Variants in AGBL4 observed in about 807,000 individuals in gnomAD.
AGBL4 encodes the protein cytosolic carboxypeptidase 6.
In AGBL4, 58 loss-of-function variants were observed where a neutral mutation model predicts 66.4. The observed-to-expected ratio is 0.87, with a 90% CI of 0.71 to 1.09. The LOEUF (loss-of-function observed/expected upper bound fraction) is 1.09. Ranked by LOEUF, AGBL4 falls within the 50% of genes least tolerant of loss-of-function variation. AGBL4 has a pLI of 0.00. For missense variants in AGBL4, 579 were observed against 631.0 expected (o/e 0.92, Z 0.88); for synonymous variants, 234 against 222.9 (o/e 1.05, Z -0.44).
chr1:49,499,359 C>G (rs1647908623), intron 3 of AGBL4, among the ~76,000 whole-genome samples: 1 of 151,570 alleles, frequency 6.6e-6, no homozygotes, highest in Non-Finnish European at 1.5e-5. Flanking sequence ...AAATAAAATC[C>G]TTTTATTATT....
intron 4 of AGBL4, among the ~76,000 whole-genome samples, chr1:49,155,616 A>C (rs1037274568): frequency 6.6e-6 from 1 of 152,146 alleles, no homozygotes; most frequent in Admixed American, 6.6e-5. Flanking sequence ...AGATAGCAAA[A>C]TCTAAAAAAT....
At chr1:49,293,290 C>G (rs1008969807) in intron 3 of AGBL4, among the ~76,000 whole-genome samples, 8 of 152,218 alleles carry the variant, frequency 5.3e-5, no homozygotes, top group African/African-American at 1.9e-4. Flanking sequence ...CCACGCCTGG[C>G]TTGCCCTTGG....
chr1:48,990,146 C>T (rs562168344), intron 5 of AGBL4, among the ~76,000 whole-genome samples: 27 of 152,038 alleles, frequency 1.8e-4, no homozygotes, highest in Non-Finnish European at 2.9e-4. Flanking sequence ...TGTTGAGAAC[C>T]TTTTCATATG....
At chr1:49,751,591 TC>T (rs1651471699) in intron 2 of AGBL4, among the ~76,000 whole-genome samples, 1 of 152,170 alleles carries the variant, frequency 6.6e-6, no homozygotes, top group East Asian at 1.9e-4. Flanking sequence ...GATGCTGGCC[TC>T]AAAAAATGAA....
chr1:49,144,544 C>CACAA (rs955268896), intron 4 of AGBL4, among the ~76,000 whole-genome samples: 1 of 151,704 alleles, frequency 6.6e-6, no homozygotes, highest in Non-Finnish European at 1.5e-5. Context: ...CACACACACA[C>CACAA]ACACACACAC....
intron 3 of AGBL4, among the ~76,000 whole-genome samples, chr1:49,555,391 A>G (rs1011588740): frequency 2.0e-5 from 3 of 149,382 alleles, no homozygotes; most frequent in Non-Finnish European, 3.0e-5. Context: ...GCTAGACACA[A>G]AAGTTCTCCA....
chr1:49,686,310 A>G (rs1284876235), intron 3 of AGBL4, among the ~76,000 whole-genome samples: 7 of 152,116 alleles, frequency 4.6e-5, no homozygotes, highest in Non-Finnish European at 7.4e-5. Context: ...TTGCCAGTGG[A>G]TGGGGAACAC....
intron 5 of AGBL4, among the ~76,000 whole-genome samples, chr1:48,885,024 G>A (rs1650182757): frequency 6.6e-6 from 1 of 151,878 alleles, no homozygotes; most frequent in Non-Finnish European, 1.5e-5. Flanking sequence ...GAAAAGAAAG[G>A]GAGAATAAGA....
intron 6 of AGBL4, among the ~76,000 whole-genome samples, chr1:48,721,349 T>C (rs539634675): frequency 6.6e-6 from 1 of 152,266 alleles, no homozygotes; most frequent in South Asian, 2.1e-4. Context: ...GTGCTGGCCA[T>C]AGCTGCAGGT....
At chr1:49,280,473 C>A (rs114267477) in intron 3 of AGBL4, among the ~76,000 whole-genome samples, 1 of 152,164 alleles carries the variant, frequency 6.6e-6, no homozygotes, top group Non-Finnish European at 1.5e-5. Flanking sequence ...CAGTCAAATA[C>A]ACATTCTAGA....
At chr1:49,515,610 T>G (rs1649724972) in intron 3 of AGBL4, among the ~76,000 whole-genome samples, 1 of 151,776 alleles carries the variant, frequency 6.6e-6, no homozygotes, top group Non-Finnish European at 1.5e-5. Flanking sequence ...GTGGCACTAT[T>G]CACAATAGCA....
Position 48,658,843 on chromosome 1 carries a change from ATGTGTG to A in AGBL4, c.724+4303_724+4308del, listed in dbSNP as rs5774012. Reference sequence around the variant, plus strand: ...GTGTTTGTGAGAGCATGGTGTGTGCATGTGTGTGTGTGTGTGTGTGTGTGTGTGTAT... The same window carrying A: ...GTGTTTGTGAGAGCATGGTGTGTGCATGTGTGTGTGTGTGTGTGTGTGTAT... On this transcript the variant is annotated intron_variant, in intron 7 of 13. Transcript: ENST00000371839. Among the ~76,000 whole-genome samples the A allele has an allele frequency of 6.6e-4, 99 of 149,214 alleles. No homozygotes were observed. The Middle Eastern group carries it at 0.017, about 26-fold the overall frequency.
At position 49,201,353 on chromosome 1, in the gene AGBL4, A is replaced by C. The variant is rs1226903662; in HGVS notation, c.377+44417T>G. On this transcript the variant is annotated intron_variant, in intron 4 of 13. Coordinates refer to ENST00000371839, the MANE Select transcript of AGBL4 (RefSeq NM_032785.4). ...CACCTTACGTATTAGTCTAATTTAA[A>C]AATAAGGAATTGACATATCAGAAAC... is the stretch of plus-strand genomic sequence containing the variant. 2.0e-5 allele frequency among the ~76,000 whole-genome samples: 3 copies of C among 152,166 alleles called. No homozygotes were observed. The East Asian group carries it at 5.8e-4, about 29-fold the overall frequency.
chr1:49,619,318 A>G (rs1388516312), intron 3 of AGBL4, among the ~76,000 whole-genome samples: 3 of 152,182 alleles, frequency 2.0e-5, no homozygotes, highest in African/African-American at 7.2e-5. Context: ...ATTCCTATAC[A>G]CCAATAATAG....
chr1:48,969,878 A>C (rs1024083626), intron 5 of AGBL4, among the ~76,000 whole-genome samples: 9 of 152,178 alleles, frequency 5.9e-5, no homozygotes, highest in African/African-American at 1.9e-4. Flanking sequence ...AGCACCTGAT[A>C]ATTGACAAAA....
At chr1:48,988,492 C>T (rs528492964) in intron 5 of AGBL4, among the ~76,000 whole-genome samples, 8 of 152,174 alleles carry the variant, frequency 5.3e-5, no homozygotes, top group Admixed American at 3.3e-4. Context: ...ATTTCAGAGG[C>T]CACAGGATAA....
chr1:49,959,902 G>A (rs537636565), intron 1 of AGBL4, among the ~76,000 whole-genome samples: 17 of 151,964 alleles, frequency 1.1e-4, no homozygotes, highest in African/African-American at 2.4e-4. Context: ...GAGCTTAAGC[G>A]AACTAACACA....
intron 5 of AGBL4, among the ~76,000 whole-genome samples, chr1:48,922,848 A>C (rs1422404402): frequency 1.3e-5 from 2 of 151,842 alleles, no homozygotes; most frequent in African/African-American, 4.8e-5. Context: ...AATAATGTCA[A>C]ATAATGTGGG....
chr1:49,577,522 A>T (rs1644460656), intron 3 of AGBL4, among the ~76,000 whole-genome samples: 1 of 152,214 alleles, frequency 6.6e-6, no homozygotes. Context: ...TCCATCATGG[A>T]AAAAGCAGAG....
Sources: gnomAD v4.1 joint callset for allele counts (sites outside exome capture counted in the v4.1 genomes callset) on GRCh38, gnomAD v4.1.1 for gene constraint, MANE v1.5 for transcripts, NCBI Gene and HGNC (gene_info 2026-07-23, HGNC 2026-07-21) for gene names.